The following YAF2 variants were observed in gnomAD, a reference collection of about 807,000 sequenced individuals.
YAF2 encodes YY1-associated factor 2.
YAF2 carries 7 observed loss-of-function variants against 20.1 expected under a neutral mutation model. The observed-to-expected ratio is 0.35, with a 90% confidence interval of 0.20 to 0.65. YAF2 has a LOEUF of 0.65. Among genes scored for constraint, YAF2 ranks in the 30% least tolerant of loss-of-function variants. The pLI is 0.69. For synonymous variants in YAF2, 74 were observed against 76.0 expected (o/e 0.97, Z 0.14); for missense variants, 151 against 219.2 (o/e 0.69, Z 1.96).
intron 2 of YAF2, among the ~76,000 whole-genome samples, chr12:42,211,690 A>G (rs1407730332): frequency 6.8e-6 from 1 of 146,440 alleles, no homozygotes; most frequent in Non-Finnish European, 1.5e-5. Flanking sequence ...GGTCGCAATG[A>G]GCCAAGTCGT....
intron 2 of YAF2, among the ~76,000 whole-genome samples, chr12:42,203,381 GCATCT>G (rs542523319): frequency 6.6e-6 from 1 of 152,016 alleles, no homozygotes; most frequent in Non-Finnish European, 1.5e-5. Context: ...TTTCTAGGGA[GCATCT>G]CATCTCATTT....
At chr12:42,201,189 T>C (rs901214478) in intron 2 of YAF2, among the ~76,000 whole-genome samples, 1 of 152,360 alleles carries the variant, frequency 6.6e-6, no homozygotes, top group East Asian at 1.9e-4. Flanking sequence ...TGAATATCCA[T>C]GTACATTCCT....
At chr12:42,233,212 T>TAA in intron 2 of YAF2, 1 of 985,374 alleles carries the variant, frequency 1.0e-6, no homozygotes, top group South Asian at 4.7e-5. Context: ...TATAGCTCTC[T>TAA]AAAATAACAC....
At chr12:42,222,816 G>A (rs970364047) in intron 2 of YAF2, among the ~76,000 whole-genome samples, 8 of 151,826 alleles carry the variant, frequency 5.3e-5, no homozygotes, top group Non-Finnish European at 1.0e-4. Flanking sequence ...AATTCTCATT[G>A]TTGAGAAGAT....
chr12:42,182,191 A>C (rs2066359954), intron 2 of YAF2, among the ~76,000 whole-genome samples: 1 of 152,214 alleles, frequency 6.6e-6, no homozygotes, highest in Admixed American at 6.5e-5. Context: ...ATTATAAAGA[A>C]GGTTTTTAAA....
chr12:42,194,473 G>A (rs551539628), intron 2 of YAF2, among the ~76,000 whole-genome samples: 8 of 152,200 alleles, frequency 5.3e-5, no homozygotes, highest in Non-Finnish European at 8.8e-5. Flanking sequence ...GTGAAAACCC[G>A]TCTCTACTAA....
intron 2 of YAF2, chr12:42,234,259 G>C: frequency 6.1e-6 from 6 of 985,042 alleles, no homozygotes; most frequent in Non-Finnish European, 7.2e-6. Flanking sequence ...TATAAAGACT[G>C]TGCAGCATCT....
intron 2 of YAF2, among the ~76,000 whole-genome samples, chr12:42,230,242 C>T (rs995542617): frequency 6.6e-6 from 1 of 150,968 alleles, no homozygotes; most frequent in East Asian, 1.9e-4. Context: ...GGCGACAGAG[C>T]AAGACTCCTT....
At chr12:42,220,845 A>G (rs1240368934) in intron 2 of YAF2, among the ~76,000 whole-genome samples, 1 of 152,244 alleles carries the variant, frequency 6.6e-6, no homozygotes, top group Non-Finnish European at 1.5e-5. Flanking sequence ...TCATTCACAC[A>G]TTCACATATT....
At chr12:42,165,046 C>A (rs1487908740) in intron 2 of YAF2, among the ~76,000 whole-genome samples, 1 of 149,664 alleles carries the variant, frequency 6.7e-6, no homozygotes, top group South Asian at 2.1e-4. Context: ...CAGAGTGAGA[C>A]CCTGTCTTCT....
Position 42,221,726 on chromosome 12 carries a change from T to C in YAF2, c.152+15873A>G, listed in dbSNP as rs549469757. Among the ~76,000 whole-genome samples, 7 of 152,270 alleles carry C rather than the reference T, an allele frequency of 4.6e-5. No individual in the cohort carries two copies. In the East Asian group the frequency reaches 1.4e-3, roughly 29 times the overall value. On this transcript the variant is annotated intron_variant, in intron 2 of 3. Transcript: ENST00000534854. ...AATAGAAAAGACCTCACCCAGCAGA[T>C]TGCTAAATATTATGTTAGTTCCCCA...
rs995079702 is a variant in YAF2 at position 42,160,740 on chromosome 12, T to C, written c.392A>G (p.Lys131Arg). The change falls in exon 4 of 4, where the codon AAG becomes AGG. Residue 131 changes from lysine (K) to arginine (R), a missense_variant. Transcript: ENST00000534854. ...GDLTVIITDF[K>R]EKTKSPPASS... is the part of the protein sequence containing the mutation. ...TGCAGGCGGTGACTTTGTTTTCTCC[T>C]TAAAGTCTGTAATAATGACTGTCAG... The C allele has an allele frequency of 6.2e-7, 1 of 1,613,594 alleles. No individual in the cohort carries two copies.
In YAF2 at chr12:42,228,645, C is replaced by T. The variant is rs1256658495; in HGVS notation, c.152+8954G>A. Reference sequence around the variant, plus strand: ...CCCCCGCCCGGCCAGCCGCCCCGTCCGGGAGGGAGGTGGGGGGGGGGTCAG... The same window carrying T: ...CCCCCGCCCGGCCAGCCGCCCCGTCTGGGAGGGAGGTGGGGGGGGGGTCAG... On this transcript the variant is annotated intron_variant, in intron 2 of 3. Coordinates refer to ENST00000534854, the MANE Select transcript of YAF2 (RefSeq NM_005748.6). Among the ~76,000 whole-genome samples, 25 of 85,548 alleles carry T rather than the reference C, an allele frequency of 2.9e-4. 1 individual carries two copies. The East Asian group carries it at 0.01, about 34-fold the overall frequency. 56.1% of individuals were successfully genotyped at this position (85,548 alleles called of 152,430 possible). A position where few individuals can be genotyped will look rare whatever the true frequency, so the allele number is the denominator to read the frequency against.
intron 2 of YAF2, among the ~76,000 whole-genome samples, chr12:42,220,519 C>T (rs1415918857): frequency 2.0e-5 from 3 of 152,072 alleles, no homozygotes; most frequent in Admixed American, 2.0e-4. Flanking sequence ...AGTGAAGAGA[C>T]TTTGGGCTGT....
intron 2 of YAF2, among the ~76,000 whole-genome samples, chr12:42,168,900 TA>T (rs2065976621): frequency 6.6e-6 from 1 of 152,180 alleles, no homozygotes; most frequent in Non-Finnish European, 1.5e-5. Context: ...AATTACCTTT[TA>T]AAATGTTGTA....
At chr12:42,234,589 T>G in intron 2 of YAF2, 1 of 985,424 alleles carries the variant, frequency 1.0e-6, no homozygotes, top group South Asian at 4.7e-5. Flanking sequence ...CTTCGTTCTC[T>G]AGAAAGACAT....
chr12:42,199,359 G>A (rs1310158455), intron 2 of YAF2: 16 of 380,190 alleles, frequency 4.2e-5, no homozygotes, highest in Non-Finnish European at 6.8e-5. Context: ...AATTACAAGT[G>A]TTAAAACTTT....
At chr12:42,235,621 AAC>A (rs2068125406) in intron 2 of YAF2, 1 of 1,489,156 alleles carries the variant, frequency 6.7e-7, no homozygotes, top group Admixed American at 2.4e-5. Flanking sequence ...TACTTTCAGG[AAC>A]ACAGTGTCCC....
At chr12:42,178,790 A>G (rs1340862787) in intron 2 of YAF2, among the ~76,000 whole-genome samples, 1 of 152,192 alleles carries the variant, frequency 6.6e-6, no homozygotes, top group Non-Finnish European at 1.5e-5. Context: ...GTACTAAACC[A>G]GAGACAGGGT....
Sources: allele counts gnomAD v4.1 joint callset (sites outside exome capture counted in the v4.1 genomes callset), GRCh38; gene constraint gnomAD v4.1.1; transcripts MANE v1.5; gene names NCBI Gene and HGNC (gene_info 2026-07-23, HGNC 2026-07-21).